The following PKNOX2 variants were observed in gnomAD, a reference collection of about 807,000 sequenced individuals.
The protein encoded by PKNOX2 is PBX/knotted 1 homeobox 2, also known as homeobox protein PKNOX2.
Under a neutral mutation model 53.1 loss-of-function variants are expected in PKNOX2, and 14 were observed. The observed-to-expected ratio is 0.26, with a 90% CI of 0.17 to 0.41. PKNOX2 has a LOEUF of 0.41. PKNOX2 is among the 10% of genes least tolerant of loss of function. The pLI, the probability that PKNOX2 is intolerant of heterozygous loss-of-function variation, is 1.00. For synonymous variants in PKNOX2, 257 were observed against 242.8 expected (o/e 1.06, Z -0.54); for missense variants, 496 against 602.8 (o/e 0.82, Z 1.85).
chr11:125,250,213 G>C (rs928513437), intron 2 of PKNOX2, among the ~76,000 whole-genome samples: 3 of 151,952 alleles, frequency 2.0e-5, no homozygotes, highest in Non-Finnish European at 4.4e-5. Flanking sequence ...ACCATGCCCA[G>C]CTTGGGGTGA....
chr11:125,345,528 G>A (rs1950922218), intron 3 of PKNOX2, among the ~76,000 whole-genome samples: 1 of 152,080 alleles, frequency 6.6e-6, no homozygotes, highest in Admixed American at 6.5e-5. Context: ...GAGAGACCTG[G>A]TGCATGTGTG....
At chr11:125,386,563 A>G (rs1048935330) in intron 6 of PKNOX2, among the ~76,000 whole-genome samples, 3 of 152,204 alleles carry the variant, frequency 2.0e-5, no homozygotes, top group Non-Finnish European at 2.9e-5. Flanking sequence ...GAGGTTATGC[A>G]CAGTGAATTT....
intron 5 of PKNOX2, among the ~76,000 whole-genome samples, chr11:125,381,144 G>A (rs978841286): frequency 2.6e-5 from 4 of 152,216 alleles, no homozygotes; most frequent in South Asian, 2.1e-4. Flanking sequence ...AGTGGGCCAG[G>A]TGGATGGAGC....
chr11:125,208,971 G>C (rs1440500628), intron 1 of PKNOX2, among the ~76,000 whole-genome samples: 1 of 151,958 alleles, frequency 6.6e-6, no homozygotes, highest in Non-Finnish European at 1.5e-5. Flanking sequence ...CGGGTTTCAG[G>C]GTCTCAGGAG....
intron 1 of PKNOX2, among the ~76,000 whole-genome samples, chr11:125,215,195 C>T (rs1940350183): frequency 6.6e-6 from 1 of 152,002 alleles, no homozygotes; most frequent in Non-Finnish European, 1.5e-5. Context: ...GGCTGTTCTT[C>T]CCCCACCAGG....
At chr11:125,347,276 G>C (rs11821520) in intron 3 of PKNOX2, among the ~76,000 whole-genome samples, 5,284 of 152,270 alleles carry the variant, frequency 0.035, 293 homozygotes, top group African/African-American at 0.12. Flanking sequence ...AATGCTGTCA[G>C]GCCAGCTGGC....
intron 2 of PKNOX2, among the ~76,000 whole-genome samples, chr11:125,302,835 G>A (rs769884505): frequency 6.6e-6 from 1 of 152,214 alleles, no homozygotes; most frequent in Non-Finnish European, 1.5e-5. Flanking sequence ...TCGGAGGGCA[G>A]AGAAAAGTCA....
At chr11:125,292,674 C>T (rs534276482) in intron 2 of PKNOX2, among the ~76,000 whole-genome samples, 25 of 152,304 alleles carry the variant, frequency 1.6e-4, no homozygotes, top group Admixed American at 1.6e-3. Flanking sequence ...AGCTTTCACT[C>T]ACGAGGCTGG....
At chr11:125,376,953 G>A (rs1952879214) in intron 5 of PKNOX2, among the ~76,000 whole-genome samples, 1 of 150,828 alleles carries the variant, frequency 6.6e-6, no homozygotes, top group Admixed American at 6.6e-5. Context: ...TAAATTGTAA[G>A]ATGCCTCTCC....
intron 2 of PKNOX2, among the ~76,000 whole-genome samples, chr11:125,261,885 A>G (rs1944875191): frequency 6.6e-6 from 1 of 152,240 alleles, no homozygotes. Flanking sequence ...CAGGTCTTAA[A>G]TTACAGAGTG....
chr11:125,328,909 T>C (rs1949992394), intron 2 of PKNOX2, among the ~76,000 whole-genome samples: 1 of 152,230 alleles, frequency 6.6e-6, no homozygotes, highest in Admixed American at 6.5e-5. Context: ...ACGCTGCTGA[T>C]AGGATGTAAA....
At chr11:125,343,405 T>C (rs1950810833) in intron 3 of PKNOX2, among the ~76,000 whole-genome samples, 1 of 152,154 alleles carries the variant, frequency 6.6e-6, no homozygotes, top group Non-Finnish European at 1.5e-5. Context: ...TTCTGTTTTT[T>C]GTTTTATTTT....
intron 1 of PKNOX2, among the ~76,000 whole-genome samples, chr11:125,207,107 A>G (rs1447299638): frequency 6.6e-6 from 1 of 151,514 alleles, no homozygotes; most frequent in East Asian, 1.9e-4. Flanking sequence ...CCAAGTTTTG[A>G]CCTCATTCTA....
intron 1 of PKNOX2, among the ~76,000 whole-genome samples, chr11:125,178,622 GAA>G (rs1327946801): frequency 7.2e-5 from 5 of 69,310 alleles, no homozygotes; most frequent in African/African-American, 2.8e-4. Flanking sequence ...AAGAAAGAAA[GAA>G]AGAAAGAAAG....
intron 2 of PKNOX2, among the ~76,000 whole-genome samples, chr11:125,252,494 T>C (rs1181087214): frequency 6.6e-6 from 1 of 152,170 alleles, no homozygotes; most frequent in Non-Finnish European, 1.5e-5. Flanking sequence ...ATGACCTGCC[T>C]GAAGCCAGAG....
At chr11:125,302,857 A>G (rs1303631014) in intron 2 of PKNOX2, among the ~76,000 whole-genome samples, 1 of 152,210 alleles carries the variant, frequency 6.6e-6, no homozygotes, top group Non-Finnish European at 1.5e-5. Context: ...GCAATACCTG[A>G]GCTGGGAGAA....
intron 2 of PKNOX2, among the ~76,000 whole-genome samples, chr11:125,291,006 A>G (rs746176232): frequency 1.3e-5 from 2 of 152,168 alleles, no homozygotes; most frequent in South Asian, 4.1e-4. Context: ...ACGCAAGACT[A>G]CACCCCGATA....
chr11:125,284,023 C>A (rs1418780594), intron 2 of PKNOX2, among the ~76,000 whole-genome samples: 3 of 152,204 alleles, frequency 2.0e-5, no homozygotes, highest in Non-Finnish European at 4.4e-5. Context: ...GTGCCACTCA[C>A]AAGCTATAGG....
intron 1 of PKNOX2, among the ~76,000 whole-genome samples, chr11:125,223,779 T>C (rs1429748145): frequency 1.3e-5 from 2 of 152,200 alleles, no homozygotes; most frequent in Non-Finnish European, 2.9e-5. Flanking sequence ...TATGAAGCTA[T>C]TGAATAGCTA....
Sources: allele counts gnomAD v4.1 joint callset (sites outside exome capture counted in the v4.1 genomes callset), GRCh38; gene constraint gnomAD v4.1.1; transcripts MANE v1.5; gene names NCBI Gene and HGNC (gene_info 2026-07-23, HGNC 2026-07-21).